The following SLC4A10 variants were observed in gnomAD, a reference collection of about 807,000 sequenced individuals.
SLC4A10 encodes the protein solute carrier family 4 member 10.
In SLC4A10, 42 loss-of-function variants were observed where a neutral mutation model predicts 137.7. The ratio of observed to expected loss-of-function variants is 0.30; its 90% CI spans 0.24 to 0.39. The LOEUF (loss-of-function observed/expected upper bound fraction) is 0.39. Among genes scored for constraint, SLC4A10 ranks in the 10% least tolerant of loss-of-function variants. The probability of loss-of-function intolerance (pLI) is 1.00; values close to 1 mark genes in which losing one functional copy is unlikely to be tolerated. For synonymous variants in SLC4A10, 474 were observed against 464.1 expected, an observed-to-expected ratio of 1.02 and a Z score of -0.27; for missense variants, 925 against 1,355.0, an observed-to-expected ratio of 0.68 and a Z score of 4.98.
chr2:161,976,752 C>T lies in SLC4A10; in HGVS notation c.3228-8C>T. ...TTTATTATTTCATTTGGGGAAACTC[C>T]TGTCTAGAGATGATCCATCTGTGAT... On this transcript the variant is annotated splice_polypyrimidine_tract_variant and splice_region_variant and intron_variant, in intron 24 of 26. Transcript: ENST00000446997. The T allele has an allele frequency of 6.9e-7, 1 of 1,450,242 alleles. No individual in the cohort carries two copies. Among genetic ancestry groups the T allele is most frequent in the Non-Finnish European group, 9.3e-7 (1 of 1,078,644 alleles). 89.8% of individuals were successfully genotyped at this position (1,450,242 alleles called of 1,614,324 possible).
intron 6 of SLC4A10, among the ~76,000 whole-genome samples, chr2:161,867,547 C>G (rs2060836256): frequency 6.6e-6 from 1 of 152,098 alleles, no homozygotes; most frequent in Admixed American, 6.5e-5. Context: ...TGGGCCTGCC[C>G]AGAGGCTATA....
At chr2:161,883,208 G>A (rs562165158) in intron 10 of SLC4A10, among the ~76,000 whole-genome samples, 2 of 152,212 alleles carry the variant, frequency 1.3e-5, no homozygotes, top group South Asian at 4.1e-4. Flanking sequence ...TCAAAATTCA[G>A]TTGTAAATGA....
At chr2:161,750,289 T>C (rs1250948864) in intron 1 of SLC4A10, among the ~76,000 whole-genome samples, 1 of 151,804 alleles carries the variant, frequency 6.6e-6, no homozygotes. Context: ...TCTGCTAACA[T>C]TGGGTTTAGT....
chr2:161,945,638 G>A (rs1178821587), intron 16 of SLC4A10, among the ~76,000 whole-genome samples: 4 of 151,788 alleles, frequency 2.6e-5, no homozygotes, highest in African/African-American at 7.2e-5. Context: ...CTCTGTGTGT[G>A]TATTGGGGAT....
At chr2:161,671,020 A>G (rs2039643057) in intron 1 of SLC4A10, among the ~76,000 whole-genome samples, 1 of 152,182 alleles carries the variant, frequency 6.6e-6, no homozygotes, top group South Asian at 2.1e-4. Context: ...CTGAACAACT[A>G]CAATGATAAT....
At chr2:161,916,664 C>T (rs1687177424) in intron 15 of SLC4A10, among the ~76,000 whole-genome samples, 1 of 152,192 alleles carries the variant, frequency 6.6e-6, no homozygotes, top group South Asian at 2.1e-4. Context: ...TCTGCTCCAG[C>T]CACACCAATA....
intron 2 of SLC4A10, among the ~76,000 whole-genome samples, chr2:161,783,082 G>A (rs2053233455): frequency 6.6e-6 from 1 of 151,822 alleles, no homozygotes; most frequent in African/African-American, 2.4e-5. Context: ...AAGCAACAAG[G>A]GAAAAGTTAC....
At chr2:161,855,706 T>C (rs552278018) in intron 5 of SLC4A10, among the ~76,000 whole-genome samples, 1 of 152,198 alleles carries the variant, frequency 6.6e-6, no homozygotes, top group Non-Finnish European at 1.5e-5. Flanking sequence ...ATGTTATTAT[T>C]ACAGAAATTG....
At chr2:161,892,546 T>G (rs16846179) in intron 10 of SLC4A10, among the ~76,000 whole-genome samples, 14,649 of 152,092 alleles carry the variant, frequency 0.096, 760 homozygotes, top group East Asian at 0.13. Flanking sequence ...GGAAAGTCAA[T>G]AAAAAGCTTT....
At chr2:161,883,943 A>G (rs2062016194) in intron 10 of SLC4A10, among the ~76,000 whole-genome samples, 1 of 152,148 alleles carries the variant, frequency 6.6e-6, no homozygotes, top group Admixed American at 6.6e-5. Context: ...AAAAATCCTT[A>G]TTTCAAATAA....
At chr2:161,755,061 T>A (rs968625643) in intron 1 of SLC4A10, among the ~76,000 whole-genome samples, 1 of 152,138 alleles carries the variant, frequency 6.6e-6, no homozygotes, top group South Asian at 2.1e-4. Flanking sequence ...TCATTAGATA[T>A]GAAAAATATC....
intron 15 of SLC4A10, among the ~76,000 whole-genome samples, chr2:161,916,125 C>A (rs924170595): frequency 7.2e-5 from 11 of 152,136 alleles, no homozygotes; most frequent in Admixed American, 2.6e-4. Context: ...AAATAAATTT[C>A]AGTTTTTAAG....
intron 19 of SLC4A10, among the ~76,000 whole-genome samples, chr2:161,955,926 C>T (rs947197044): frequency 1.4e-4 from 21 of 152,066 alleles, no homozygotes; most frequent in Admixed American, 3.3e-4. Flanking sequence ...ATGTTTGATG[C>T]GTATTTTATT....
intron 1 of SLC4A10, among the ~76,000 whole-genome samples, chr2:161,667,392 A>C (rs2039170319): frequency 6.6e-6 from 1 of 151,680 alleles, no homozygotes; most frequent in Non-Finnish European, 1.5e-5. Context: ...AGTGGGGAAG[A>C]CAAGTTAGTT....
intron 1 of SLC4A10, among the ~76,000 whole-genome samples, chr2:161,672,569 G>A (rs2039856323): frequency 6.6e-6 from 1 of 150,506 alleles, no homozygotes; most frequent in Non-Finnish European, 1.5e-5. Flanking sequence ...TTATATCTTT[G>A]TCTTACTGAT....
At chr2:161,721,496 A>G (rs985246346) in intron 1 of SLC4A10, among the ~76,000 whole-genome samples, 1 of 152,078 alleles carries the variant, frequency 6.6e-6, no homozygotes, top group Non-Finnish European at 1.5e-5. Flanking sequence ...TTTCTTTAAG[A>G]CTGTTGAATA....
chr2:161,863,997 C>T (rs1308476522), intron 6 of SLC4A10, among the ~76,000 whole-genome samples: 1 of 151,960 alleles, frequency 6.6e-6, no homozygotes, highest in Non-Finnish European at 1.5e-5. Flanking sequence ...GTCAGGAGAT[C>T]GTGACCATCC....
intron 3 of SLC4A10, among the ~76,000 whole-genome samples, chr2:161,818,193 C>T (rs1369139950): frequency 3.3e-5 from 5 of 152,116 alleles, no homozygotes; most frequent in Admixed American, 1.3e-4. Flanking sequence ...CGAGGTCCTT[C>T]GCATCCCTTT....
chr2:161,639,668 C>T (rs1405534914), intron 1 of SLC4A10, among the ~76,000 whole-genome samples: 1 of 152,128 alleles, frequency 6.6e-6, no homozygotes, highest in African/African-American at 2.4e-5. Context: ...TAACATCATA[C>T]TTGAATGGGG....
Sources: gnomAD v4.1 joint callset for allele counts (sites outside exome capture counted in the v4.1 genomes callset) on GRCh38, gnomAD v4.1.1 for gene constraint, MANE v1.5 for transcripts, NCBI Gene and HGNC (gene_info 2026-07-23, HGNC 2026-07-21) for gene names.